The following GPHN variants were observed in gnomAD, a reference collection of about 807,000 sequenced individuals.
GPHN encodes the protein gephyrin.
Under a neutral mutation model 95.5 loss-of-function variants are expected in GPHN, and 17 were observed. The observed-to-expected ratio is 0.18, with a 90% CI of 0.12 to 0.27. The LOEUF (loss-of-function observed/expected upper bound fraction) is 0.27, where lower values mean the gene tolerates loss of function less well. Among genes scored for constraint, GPHN ranks in the 10% least tolerant of loss-of-function variants. The pLI is 1.00. For synonymous variants in GPHN, 320 were observed against 322.5 expected (o/e 0.99, Z 0.08); for missense variants, 660 against 978.1 (o/e 0.67, Z 4.34).
chr14:66,773,510 C>G (rs527237914), intron 2 of GPHN, among the ~76,000 whole-genome samples: 22 of 151,948 alleles, frequency 1.4e-4, no homozygotes, highest in African/African-American at 5.3e-4. Context: ...CTCGCCACCA[C>G]GCCCAGCTAA....
At chr14:67,554,025 G>C in the GPHN span, among the ~76,000 whole-genome samples, 55 of 152,314 alleles carry the variant, frequency 3.6e-4, no homozygotes, top group Non-Finnish European at 6.5e-4. Context: ...TGTAAGTCTT[G>C]AGTTTTACTT....
At chr14:66,708,275 C>G (rs2069282849) in intron 2 of GPHN, among the ~76,000 whole-genome samples, 1 of 151,730 alleles carries the variant, frequency 6.6e-6, no homozygotes, top group Non-Finnish European at 1.5e-5. Context: ...CTTCTTACAT[C>G]CTTCTTTGCC....
chr14:67,048,529 G>C (rs1567255450), intron 10 of GPHN, among the ~76,000 whole-genome samples: 2 of 152,216 alleles, frequency 1.3e-5, no homozygotes, highest in Non-Finnish European at 2.9e-5. Context: ...GGGGAATGCT[G>C]TCAGTTTAGA....
intron 1 of GPHN, among the ~76,000 whole-genome samples, chr14:66,563,977 A>C (rs1313077079): frequency 6.6e-6 from 1 of 152,194 alleles, no homozygotes; most frequent in African/African-American, 2.4e-5. Context: ...AGTACACAGT[A>C]AGCGTTTGAT....
chr14:67,556,420 G>A, the GPHN span, among the ~76,000 whole-genome samples: 1 of 152,210 alleles, frequency 6.6e-6, no homozygotes, highest in African/African-American at 2.4e-5. Flanking sequence ...ACAGGCGTGA[G>A]CCACTGTGCC....
At chr14:67,169,815 G>A (rs776606170) in intron 21 of GPHN, among the ~76,000 whole-genome samples, 9 of 152,230 alleles carry the variant, frequency 5.9e-5, no homozygotes, top group African/African-American at 1.7e-4. Flanking sequence ...AATGGCTGGC[G>A]CCTGTAATGC....
chr14:67,206,082 G>A, the GPHN span, among the ~76,000 whole-genome samples: 1 of 152,200 alleles, frequency 6.6e-6, no homozygotes, highest in Non-Finnish European at 1.5e-5. Context: ...TACTAGGGAG[G>A]CTGAGGTGGG....
At chr14:66,715,849 G>C (rs1003589992) in intron 2 of GPHN, among the ~76,000 whole-genome samples, 1 of 152,066 alleles carries the variant, frequency 6.6e-6, no homozygotes, top group Non-Finnish European at 1.5e-5. Context: ...GAGAGTGCTT[G>C]ATATAATTTC....
At chr14:67,464,047 G>A in the GPHN span, among the ~76,000 whole-genome samples, 111 of 152,200 alleles carry the variant, frequency 7.3e-4, 1 homozygote, top group South Asian at 0.023. Context: ...GTGTGCATGA[G>A]GTGGCGCAGG....
intron 1 of GPHN, among the ~76,000 whole-genome samples, chr14:66,584,790 C>A (rs1010720712): frequency 6.6e-6 from 1 of 152,080 alleles, no homozygotes; most frequent in African/African-American, 2.4e-5. Flanking sequence ...TTCGGTTTGC[C>A]AGTATTTTAT....
At chr14:66,930,872 A>T (rs1435939366) in intron 8 of GPHN, among the ~76,000 whole-genome samples, 1 of 152,204 alleles carries the variant, frequency 6.6e-6, no homozygotes, top group Non-Finnish European at 1.5e-5. Flanking sequence ...AAGATATGAG[A>T]TGAGTAATTT....
At chr14:66,783,562 G>A (rs1163789250) in intron 3 of GPHN, among the ~76,000 whole-genome samples, 1 of 152,138 alleles carries the variant, frequency 6.6e-6, no homozygotes, top group Admixed American at 6.5e-5. Context: ...TCCCACGTAA[G>A]TGAGGCCTGG....
the GPHN span, among the ~76,000 whole-genome samples, chr14:67,552,654 C>CTG: frequency 6.6e-6 from 1 of 151,834 alleles, no homozygotes; most frequent in East Asian, 1.9e-4. Flanking sequence ...GTAGTCCCAG[C>CTG]TACTCGGGAG....
chr14:67,343,360 C>T, the GPHN span: 1 of 1,604,450 alleles, frequency 6.2e-7, no homozygotes, highest in Non-Finnish European at 8.5e-7. Flanking sequence ...CCTCACAGTA[C>T]CTAATACTCA....
intron 1 of GPHN, among the ~76,000 whole-genome samples, chr14:66,529,746 T>G (rs1234470797): frequency 6.6e-6 from 1 of 152,160 alleles, no homozygotes; most frequent in Non-Finnish European, 1.5e-5. Context: ...TCTGCTCTAG[T>G]TTGCTGGAGG....
At chr14:66,801,881 C>A (rs531490069) in intron 3 of GPHN, among the ~76,000 whole-genome samples, 1 of 152,004 alleles carries the variant, frequency 6.6e-6, no homozygotes, top group Non-Finnish European at 1.5e-5. Flanking sequence ...ACCCTTGTGG[C>A]CACCATCTCT....
chr14:66,608,040 GT>G lies in GPHN; in HGVS notation c.65-73053del, dbSNP rs551854379. ...TTTCTTTTCTTTTATTAGCTTTGTG[GT>G]TTTTTTTTTTTTTCTAGTTCCTCTA... On this transcript the variant is annotated intron_variant, in intron 1 of 22. Coordinates refer to ENST00000478722, the MANE Select transcript of GPHN (RefSeq NM_020806.5). Among the ~76,000 whole-genome samples, 1,161 of 117,716 alleles carry G rather than the reference GT, an allele frequency of 9.9e-3. 7 individuals carry two copies. The highest frequency in any genetic ancestry group is 0.05 in the African/African-American group (1,104 of 22,246). The allele number at this position is 117,716 out of a possible 152,430, so 77.2% of individuals were successfully genotyped here.
chr14:66,525,503 C>G (rs1193377193), intron 1 of GPHN, among the ~76,000 whole-genome samples: 1 of 152,148 alleles, frequency 6.6e-6, no homozygotes, highest in African/African-American at 2.4e-5. Context: ...TTAATTAGAT[C>G]CCATTTGTCA....
At chr14:66,544,507 G>C (rs963139790) in intron 1 of GPHN, among the ~76,000 whole-genome samples, 2 of 151,940 alleles carry the variant, frequency 1.3e-5, no homozygotes, top group East Asian at 3.8e-4. Context: ...ACCTAGAATA[G>C]TGCCTTGCAC....
Sources: gnomAD v4.1 joint callset for allele counts (sites outside exome capture counted in the v4.1 genomes callset) on GRCh38, gnomAD v4.1.1 for gene constraint, MANE v1.5 for transcripts, NCBI Gene and HGNC (gene_info 2026-07-23, HGNC 2026-07-21) for gene names.